LAT2: variants seen among roughly 807,000 people sequenced by gnomAD.
LAT2 encodes linker for activation of T-cells family member 2.
In LAT2, 23 loss-of-function variants were observed where a neutral mutation model predicts 43.4. The observed-to-expected ratio is 0.53, with a 90% confidence interval of 0.38 to 0.75. The LOEUF (loss-of-function observed/expected upper bound fraction) is 0.75. Among genes scored for constraint, LAT2 ranks in the 30% least tolerant of loss-of-function variants. The pLI is 0.00. For synonymous variants in LAT2, 128 were observed against 123.2 expected, an observed-to-expected ratio of 1.04 and a Z score of -0.26; for missense variants, 284 against 310.2, an observed-to-expected ratio of 0.92 and a Z score of 0.64.
intron 4 of LAT2, among the ~76,000 whole-genome samples, 196 bp downstream of exon 4, chr7:74,217,060 AGGGAGGGCTTT>A (rs1254749629): frequency 6.6e-6 from 1 of 152,126 alleles, no homozygotes; most frequent in Non-Finnish European, 1.5e-5. Flanking sequence ...AGCTTGGGTT[AGGGAGGGCTTT>A]GGGAGGCGGG....
intron 3 of LAT2, among the ~76,000 whole-genome samples, chr7:74,216,592 G>A (rs1554714336): frequency 2.0e-5 from 3 of 152,062 alleles, no homozygotes; most frequent in Admixed American, 6.6e-5. Context: ...GGCTGGTCAC[G>A]AACTGCTGAC....
chr7:74,217,361 G>A (rs1373683311), intron 4 of LAT2, among the ~76,000 whole-genome samples: 1 of 152,040 alleles, frequency 6.6e-6, no homozygotes, highest in Admixed American at 6.6e-5. Flanking sequence ...AACCCAGGAG[G>A]TGGAGGTTGC....
At chr7:74,212,385 G>C (rs1554713272) in intron 1 of LAT2, among the ~76,000 whole-genome samples, 1 of 151,820 alleles carries the variant, frequency 6.6e-6, no homozygotes, top group Non-Finnish European at 1.5e-5. Flanking sequence ...GAGTTCAAGT[G>C]ATTCTCATGC....
chr7:74,224,243 T>A (rs1169894482), intron 12 of LAT2, 46 bp downstream of exon 12: 4 of 1,585,820 alleles, frequency 2.5e-6, no homozygotes, highest in Non-Finnish European at 3.4e-6. Flanking sequence ...TAGGGCAGGC[T>A]TGAGGGACTG....
rs782207576 is a variant in LAT2, at chr7:74,224,703, G to C, written c.693G>C (p.Pro231=). The C allele has an allele frequency of 1.9e-6, 3 of 1,606,838 alleles. No individual in the cohort carries two copies. The highest frequency in any genetic ancestry group is 1.7e-5 in the Admixed American group (1 of 58,922). ...GCCCAGACGAGGAGGACGGGGAACCGGATTACGTGAATGGGGAGGTGGCAG... is the reference window on the plus strand; with the variant it reads ...GCCCAGACGAGGAGGACGGGGAACCCGATTACGTGAATGGGGAGGTGGCAG... ...VGSPDEEDGE[P]DYVNGEVAAT... Residue 231 remains proline, a synonymous_variant, in exon 13 of 14, where the codon CCG becomes CCC. Transcript: ENST00000460943.
intron 9 of LAT2, 68 bp from the exon 10 acceptor site, chr7:74,221,569 C>A (rs1391100017): frequency 1.5e-6 from 2 of 1,351,602 alleles, no homozygotes; most frequent in Non-Finnish European, 1.0e-6. Flanking sequence ...TCACCGCCCC[C>A]TTATGGAGCC....
chr7:74,217,565 G>A (rs1554714461), intron 4 of LAT2, among the ~76,000 whole-genome samples: 1 of 152,234 alleles, frequency 6.6e-6, no homozygotes, highest in Non-Finnish European at 1.5e-5. Flanking sequence ...ACCCGGCACA[G>A]GGTGAAATGT....
intron 1 of LAT2, among the ~76,000 whole-genome samples, chr7:74,213,666 G>A (rs1441709557): frequency 2.0e-5 from 3 of 151,224 alleles, no homozygotes; most frequent in Non-Finnish European, 3.0e-5. Context: ...CTCGTGATCT[G>A]CCCGCCTTGG....
Position 74,220,001 on chromosome 7 carries a change from C to A in LAT2, c.220C>A (p.Pro74Thr). 6.2e-7 allele frequency: 1 copy of A among 1,613,682 alleles called. No individual in the cohort carries two copies. Among genetic ancestry groups the A allele is most frequent in the Non-Finnish European group, 8.5e-7 (1 of 1,179,956 alleles). ...GCCAGGACCCCTGGCGGACATGGCACCCACAAGGTAGGTCACAGTCCCCCA... is the reference window on the plus strand; with the variant it reads ...GCCAGGACCCCTGGCGGACATGGCAACCACAAGGTAGGTCACAGTCCCCCA... ...AWPGPLADMA[P>T]TRKDKLLQFY... The change falls in exon 6 of 14, where the codon CCC becomes ACC. Residue 74 changes from proline to threonine, a missense_variant. Coordinates refer to ENST00000460943, the MANE Select transcript of LAT2 (RefSeq NM_032464.3). The surrounding 1 kb of genome is among the most constrained non-coding windows in gnomAD (Gnocchi z 4.5).
intron 1 of LAT2, among the ~76,000 whole-genome samples, chr7:74,212,350 A>G (rs1801761593): frequency 6.6e-6 from 1 of 151,668 alleles, no homozygotes; most frequent in African/African-American, 2.4e-5. Context: ...GCGTGATCTC[A>G]GCTCACTGCA....
intron 1 of LAT2, among the ~76,000 whole-genome samples, chr7:74,212,126 G>C (rs1395034748): frequency 6.6e-6 from 1 of 151,538 alleles, no homozygotes; most frequent in Non-Finnish European, 1.5e-5. Flanking sequence ...TCATTTTTTT[G>C]TAGAGACAGG....
intron 4 of LAT2, among the ~76,000 whole-genome samples, chr7:74,219,406 C>A (rs1051680884): frequency 6.6e-6 from 1 of 152,194 alleles, no homozygotes; most frequent in Admixed American, 6.5e-5. Context: ...ACAGCCCTGT[C>A]CACAGACCCC....
chr7:74,223,426 G>A (rs986314131), intron 10 of LAT2, among the ~76,000 whole-genome samples: 2 of 152,176 alleles, frequency 1.3e-5, no homozygotes, highest in Non-Finnish European at 2.9e-5. Flanking sequence ...GGGAGTTGGA[G>A]GCTACAGTGA....
intron 1 of LAT2, among the ~76,000 whole-genome samples, chr7:74,212,773 A>G (rs1354062152): frequency 6.6e-6 from 1 of 152,212 alleles, no homozygotes; most frequent in Non-Finnish European, 1.5e-5. Context: ...GGAGAAGGGC[A>G]GTGCCCAGGC....
chr7:74,223,716 T>C lies in LAT2; in HGVS notation c.389-8T>C, dbSNP rs782687741. ...ACACCCCCGTGCCCACTCCTCTCTC[T>C]CCTGCAGATGATGATGCCAATTCCT... On this transcript the variant is annotated splice_region_variant and splice_polypyrimidine_tract_variant and intron_variant, in intron 10 of 13. Transcript: ENST00000460943. 8.1e-6 allele frequency: 13 copies of C among 1,613,620 alleles called. No homozygotes were observed. Among genetic ancestry groups the C allele is most frequent in the African/African-American group, 1.3e-5 (1 of 74,842 alleles).
At chr7:74,224,858 G>C (rs782797747) in intron 13 of LAT2, 98 bp downstream of exon 13, 1 of 908,458 alleles carries the variant, frequency 1.1e-6, no homozygotes, top group African/African-American at 1.7e-5. Context: ...AGTGTGGGTG[G>C]AGGGGCCATG....
chr7:74,223,792 G>T lies in LAT2; in HGVS notation c.448+9G>T. On this transcript the variant is annotated intron_variant, in intron 11 of 13. Coordinates refer to ENST00000460943, the MANE Select transcript of LAT2 (RefSeq NM_032464.3). ...GAAAACCACAGAGACAGGTGAGGCT[G>T]CCCAGCCAGAGGCAGGCTGGGGCTG... 1 of 1,613,318 alleles carries T rather than the reference G, an allele frequency of 6.2e-7. No individual in the cohort carries two copies. Among genetic ancestry groups the T allele is most frequent in the Non-Finnish European group, 8.5e-7 (1 of 1,179,528 alleles).
chr7:74,227,457 T>C (rs1387994044), intron 13 of LAT2, among the ~76,000 whole-genome samples: 1 of 152,006 alleles, frequency 6.6e-6, no homozygotes, highest in Admixed American at 6.6e-5. Flanking sequence ...TGACCTAAAG[T>C]GATCGGCCCA....
chr7:74,210,292 C>T (rs1441275664), intron 1 of LAT2, among the ~76,000 whole-genome samples: 2 of 152,190 alleles, frequency 1.3e-5, no homozygotes, highest in Admixed American at 1.3e-4. Flanking sequence ...CCTCGCCTTC[C>T]CCTGTCCAGC....
Sources: gnomAD v4.1 joint callset for allele counts (sites outside exome capture counted in the v4.1 genomes callset) on GRCh38, gnomAD v4.1.1 for gene constraint, Gnocchi (gnomAD v3.1) non-coding constraint, MANE v1.5 for transcripts, NCBI Gene and HGNC (gene_info 2026-07-23, HGNC 2026-07-21) for gene names.